Variants in MYO5A observed in about 807,000 individuals in gnomAD.
MYO5A encodes the protein unconventional myosin-Va.
In MYO5A, 98 loss-of-function variants were observed where a neutral mutation model predicts 249.7. The observed-to-expected ratio is 0.39, with a 90% CI of 0.33 to 0.46. The LOEUF (loss-of-function observed/expected upper bound fraction) is 0.46. Ranked by LOEUF, MYO5A falls within the 20% of genes least tolerant of loss-of-function variation. The probability of loss-of-function intolerance (pLI) is 0.98; values close to 1 mark genes in which losing one functional copy is unlikely to be tolerated. For synonymous variants in MYO5A, 778 were observed against 810.6 expected (o/e 0.96, Z 0.68); for missense variants, 1,696 against 2,308.8 (o/e 0.73, Z 5.44).
intron 1 of MYO5A, among the ~76,000 whole-genome samples, chr15:52,501,769 C>T (rs1376189911): frequency 6.6e-6 from 1 of 151,536 alleles, no homozygotes; most frequent in East Asian, 1.9e-4. Flanking sequence ...GAAAATCTCC[C>T]AAAACCCTCT....
chr15:52,345,784 A>G (rs1274223417), intron 30 of MYO5A, among the ~76,000 whole-genome samples: 1 of 152,152 alleles, frequency 6.6e-6, no homozygotes, highest in African/African-American at 2.4e-5. Context: ...ATGTTTACCA[A>G]TCCTGAAACT....
rs138345889 is a variant in MYO5A, at chr15:52,384,114, T to A, written c.1914+47A>T. 1.7e-5 allele frequency: 28 copies of A among 1,611,814 alleles called. No homozygotes were observed. The East Asian group carries it at 6.2e-4, about 36-fold the overall frequency. On this transcript the variant is annotated intron_variant, in intron 15 of 41. Coordinates refer to ENST00000399233, the MANE Select transcript of MYO5A (RefSeq NM_001382347.1). ...AAGAGGGAAGATCTGAGGTTTCAGA[T>A]GAGCCAGAAAGGAAGGAGCGTGGCA... is the stretch of plus-strand genomic sequence containing the variant.
chr15:52,438,235 T>C (rs1199398752), intron 1 of MYO5A, among the ~76,000 whole-genome samples: 3 of 152,064 alleles, frequency 2.0e-5, no homozygotes, highest in Admixed American at 6.5e-5. Context: ...ATGGCAGGAA[T>C]AGAACTAAAC....
chr15:52,366,990 G>T, intron 23 of MYO5A, 41 bp downstream of exon 23: 1 of 1,437,472 alleles, frequency 7.0e-7, no homozygotes, highest in Non-Finnish European at 9.8e-7. Flanking sequence ...CATAACTTTG[G>T]TGTGAGGTTG....
intron 5 of MYO5A, among the ~76,000 whole-genome samples, chr15:52,414,770 A>T (rs931385428): frequency 3.3e-5 from 5 of 152,082 alleles, no homozygotes; most frequent in Admixed American, 2.0e-4. Context: ...CAAACCAAAA[A>T]CTGGCTCCAC....
At chr15:52,395,124 C>A (rs1420158110) in intron 11 of MYO5A, among the ~76,000 whole-genome samples, 1 of 152,166 alleles carries the variant, frequency 6.6e-6, no homozygotes, top group East Asian at 1.9e-4. Context: ...TCCCTGGAGG[C>A]AACCATTTTT....
At chr15:52,402,212 T>C (rs887717166) in intron 9 of MYO5A, among the ~76,000 whole-genome samples, 1 of 152,224 alleles carries the variant, frequency 6.6e-6, no homozygotes, top group South Asian at 2.1e-4. Context: ...CCAGGAACTA[T>C]GAAATCAGTC....
At chr15:52,437,714 C>T (rs549710047) in intron 1 of MYO5A, among the ~76,000 whole-genome samples, 5 of 151,970 alleles carry the variant, frequency 3.3e-5, no homozygotes, top group African/African-American at 1.2e-4. Flanking sequence ...AGAAGCATGA[C>T]TGACCAGTGC....
intron 14 of MYO5A, among the ~76,000 whole-genome samples, chr15:52,386,739 G>C (rs1044043195): frequency 6.6e-6 from 1 of 151,952 alleles, no homozygotes; most frequent in African/African-American, 2.4e-5. Context: ...GTAGACATGG[G>C]GTTTTGCCAT....
At chr15:52,431,469 T>C (rs1474798278) in intron 2 of MYO5A, among the ~76,000 whole-genome samples, 2 of 152,060 alleles carry the variant, frequency 1.3e-5, no homozygotes, top group African/African-American at 2.4e-5. Context: ...TAGTATAGTA[T>C]GCATACATAT....
chr15:52,422,487 G>A (rs2075302408), intron 4 of MYO5A, among the ~76,000 whole-genome samples: 1 of 152,044 alleles, frequency 6.6e-6, no homozygotes, highest in South Asian at 2.1e-4. Flanking sequence ...TAGGTGCTCA[G>A]TCCAAATCCT....
intron 33 of MYO5A, among the ~76,000 whole-genome samples, chr15:52,337,591 C>A (rs2039176334): frequency 6.6e-6 from 1 of 152,212 alleles, no homozygotes; most frequent in Admixed American, 6.5e-5. Context: ...TTCCATCACA[C>A]TGTAAGCCTA....
At chr15:52,396,239 A>T (rs1567085837) in intron 11 of MYO5A, 77 bp downstream of exon 11, 2 of 892,730 alleles carry the variant, frequency 2.2e-6, no homozygotes, top group Non-Finnish European at 3.6e-6. Context: ...CATTCCAGGG[A>T]TAAGCTTTTA....
chr15:52,314,347 G>T (rs2037890445), intron 40 of MYO5A, 144 bp from the exon 41 acceptor site: 1 of 662,580 alleles, frequency 1.5e-6, no homozygotes, highest in Non-Finnish European at 2.7e-6. Context: ...AGGAGGAGCT[G>T]GTCTGCACAT....
intron 36 of MYO5A, among the ~76,000 whole-genome samples, chr15:52,325,408 C>CCTT (rs1318478625): frequency 7.2e-6 from 1 of 139,484 alleles, no homozygotes; most frequent in African/African-American, 2.7e-5. Flanking sequence ...AAGCCCCCCA[C>CCTT]TTTTTTTTTT....
At chr15:52,326,069 G>A (rs180743489) in intron 36 of MYO5A, among the ~76,000 whole-genome samples, 1 of 152,336 alleles carries the variant, frequency 6.6e-6, no homozygotes, top group African/African-American at 2.4e-5. Context: ...TAGTTATGCT[G>A]CTTAGGGCCG....
intron 37 of MYO5A, among the ~76,000 whole-genome samples, chr15:52,322,713 A>T (rs1368465335): frequency 6.6e-6 from 1 of 152,200 alleles, no homozygotes; most frequent in Admixed American, 6.5e-5. Flanking sequence ...CCCCACAAAC[A>T]AAAACAATAG....
intron 6 of MYO5A, among the ~76,000 whole-genome samples, chr15:52,409,422 T>G (rs768833964): frequency 1.3e-5 from 2 of 152,204 alleles, no homozygotes; most frequent in Non-Finnish European, 2.9e-5. Context: ...ATATTAAATA[T>G]AATACTTCAT....
chr15:52,335,634 T>C (rs144882013), intron 34 of MYO5A, among the ~76,000 whole-genome samples: 89 of 151,558 alleles, frequency 5.9e-4, no homozygotes, highest in African/African-American at 2.1e-3. Flanking sequence ...AAAGATAAGA[T>C]CCATTTGTAT....
Sources: allele counts gnomAD v4.1 joint callset (sites outside exome capture counted in the v4.1 genomes callset), GRCh38; gene constraint gnomAD v4.1.1; transcripts MANE v1.5; gene names NCBI Gene and HGNC (gene_info 2026-07-23, HGNC 2026-07-21).